LAX1: variants seen among roughly 807,000 people sequenced by gnomAD.
LAX1 encodes lymphocyte transmembrane adapter 1.
A neutral mutation model predicts 20.7 loss-of-function variants in LAX1; 17 were observed. The observed-to-expected ratio is 0.82, with a 90% CI of 0.56 to 1.23. LAX1 has a LOEUF of 1.23. Ranked by LOEUF, LAX1 falls within the 50% of genes most tolerant of loss-of-function variation. LAX1 has a pLI of 0.00. For missense variants in LAX1, 470 were observed against 487.0 expected, an observed-to-expected ratio of 0.97 and a Z score of 0.33; for synonymous variants, 165 against 181.0, an observed-to-expected ratio of 0.91 and a Z score of 0.71.
intron 4 of LAX1, 114 bp downstream of exon 4, chr1:203,772,261 C>T (rs1272726853): frequency 2.5e-6 from 2 of 784,508 alleles, no homozygotes; most frequent in Non-Finnish European, 4.3e-6. Context: ...CCCTTTGGCA[C>T]TCGCCCTGCA....
chr1:203,769,446 A>G (rs1051809111), intron 1 of LAX1, among the ~76,000 whole-genome samples: 14 of 104,000 alleles, frequency 1.3e-4, no homozygotes, highest in African/African-American at 3.0e-4. Context: ...AGAAAGAAGG[A>G]AAGAAAGAAA....
At position 203,774,180 on chromosome 1, in the gene LAX1, T is replaced by C. The variant is rs750718438; in HGVS notation, c.696T>C (p.Asp232=). The C allele has an allele frequency of 1.2e-4, 191 of 1,614,072 alleles. No homozygotes were observed. Among genetic ancestry groups the C allele is most frequent in the Non-Finnish European group, 1.6e-4 (183 of 1,180,050 alleles). Residue 232 remains aspartate, a synonymous_variant, in exon 5 of 5, where the codon GAT becomes GAC. Coordinates refer to ENST00000442561, the MANE Select transcript of LAX1 (RefSeq NM_017773.4). ...AGCTGGAGTTTACTGAGGAAAGAGATGAGGGCTGTGGAGATGCTGGTGACT... is the reference window on the plus strand; with the variant it reads ...AGCTGGAGTTTACTGAGGAAAGAGACGAGGGCTGTGGAGATGCTGGTGACT... ...TQKLEFTEER[D]EGCGDAGDCT... is the part of the protein sequence containing the mutation.
chr1:203,766,640 G>A lies in LAX1; in HGVS notation c.89+986G>A, dbSNP rs147437993. ...CATTTATTTTTATTTATTTCTAATT[G>A]GCAAATCAAAATTATATATATTTAT... On this transcript the variant is annotated intron_variant, in intron 1 of 4. Coordinates refer to ENST00000442561, the MANE Select transcript of LAX1 (RefSeq NM_017773.4). 1.8e-3 allele frequency among the ~76,000 whole-genome samples: 268 copies of A among 152,076 alleles called. 3 individuals carry two copies. The East Asian group carries it at 0.04, about 23-fold the overall frequency.
intron 1 of LAX1, among the ~76,000 whole-genome samples, chr1:203,767,261 T>C (rs1373272521): frequency 6.7e-6 from 1 of 149,576 alleles, no homozygotes; most frequent in Non-Finnish European, 1.5e-5. Context: ...GACCAACATC[T>C]CTGCAACCCC....
Position 203,770,455 on chromosome 1 carries a change from A to AG in LAX1, c.90-373_90-372insG, listed in dbSNP as rs1558070562. 7.0e-5 allele frequency among the ~76,000 whole-genome samples: 3 copies of AG among 42,694 alleles called. 1 individual carries two copies. Among genetic ancestry groups the AG allele is most frequent in the Non-Finnish European group, 9.2e-5 (2 of 21,846 alleles). 28.0% of individuals were successfully genotyped at this position (42,694 alleles called of 152,430 possible). On this transcript the variant is annotated intron_variant, in intron 1 of 4. Coordinates refer to ENST00000442561, the MANE Select transcript of LAX1 (RefSeq NM_017773.4). ...AGAAAGAGAGAGAGAGAGAGAGAGA[A>AG]AGGAAGGAAGGAAGGAAGGAAGGAA...
chr1:203,774,709 C>T lies in LAX1; in HGVS notation c.*28C>T, dbSNP rs754817096. 1.6e-5 allele frequency: 26 copies of T among 1,588,466 alleles called. No individual in the cohort carries two copies. Among genetic ancestry groups the T allele is most frequent in the Admixed American group, 1.7e-5 (1 of 59,112 alleles). On this transcript the variant is annotated 3_prime_UTR_variant, in exon 5 of 5. Coordinates refer to ENST00000442561, the MANE Select transcript of LAX1 (RefSeq NM_017773.4). ...ACCCAGGTACCCAGCCATAAAGCCACATTGAGTAGTCTATCCCATAGGATT... is the reference window on the plus strand; with the variant it reads ...ACCCAGGTACCCAGCCATAAAGCCATATTGAGTAGTCTATCCCATAGGATT...
intron 1 of LAX1, among the ~76,000 whole-genome samples, chr1:203,770,429 A>G (rs867780032): frequency 0.012 from 253 of 20,558 alleles, 6 homozygotes; most frequent in Non-Finnish European, 0.047. Context: ...GAAAGAAAGA[A>G]AGAAAGAGAG....
chr1:203,772,173 T>A, intron 4 of LAX1, 26 bp downstream of exon 4: 1 of 1,554,490 alleles, frequency 6.4e-7, no homozygotes, highest in East Asian at 2.2e-5. Flanking sequence ...CTTGGGAGAA[T>A]GACATGTCTC....
At chr1:203,771,149 G>T (rs1202245028) in intron 2 of LAX1, among the ~76,000 whole-genome samples, 1 of 152,150 alleles carries the variant, frequency 6.6e-6, no homozygotes, top group East Asian at 1.9e-4. Context: ...ACATTGCCCT[G>T]GTGCCCCTGT....
At chr1:203,768,420 T>C (rs1667339701) in intron 1 of LAX1, among the ~76,000 whole-genome samples, 1 of 152,144 alleles carries the variant, frequency 6.6e-6, no homozygotes. Flanking sequence ...TCTGAGGAGA[T>C]GACATTTGAC....
chr1:203,768,802 G>A (rs1667346919), intron 1 of LAX1, among the ~76,000 whole-genome samples: 1 of 152,212 alleles, frequency 6.6e-6, no homozygotes, highest in Non-Finnish European at 1.5e-5. Flanking sequence ...ATCCAGGAAA[G>A]TTATTGCAAA....
rs369192148 is a variant in LAX1 at position 203,765,592 on chromosome 1, G to A, written c.27G>A (p.Ser9=). Reference sequence around the variant, plus strand: ...TGGATGGTGTCACTCCAACCCTTTCGACAATCAGAGGGAGGACCTTGGAGT... The same window carrying A: ...TGGATGGTGTCACTCCAACCCTTTCAACAATCAGAGGGAGGACCTTGGAGT... The part of the protein sequence containing the change: MDGVTPTL[S]TIRGRTLESS... Residue 9 remains serine, a synonymous_variant, in exon 1 of 5, where the codon TCG becomes TCA. Transcript: ENST00000442561. The A allele has an allele frequency of 9.3e-6, 15 of 1,614,022 alleles. No individual in the cohort carries two copies. In the East Asian group the frequency reaches 2.0e-4, roughly 22 times the overall value.
Position 203,772,672 on chromosome 1 carries a change from C to T in LAX1, c.390+525C>T, listed in dbSNP as rs555271346. Among the ~76,000 whole-genome samples, 7 of 151,936 alleles carry T rather than the reference C, an allele frequency of 4.6e-5. No individual in the cohort carries two copies. The South Asian group carries it at 8.3e-4, about 18-fold the overall frequency. On this transcript the variant is annotated intron_variant, in intron 4 of 4. Coordinates refer to ENST00000442561, the MANE Select transcript of LAX1 (RefSeq NM_017773.4). The stretch of plus-strand genomic sequence containing the variant: ...CAATCTCTTGACCTTTTCATCCACC[C>T]GCCTTGGCCTCCCAAAGTGCTGAGA...
At chr1:203,767,731 T>A (rs67381382) in intron 1 of LAX1, among the ~76,000 whole-genome samples, 1 of 151,978 alleles carries the variant, frequency 6.6e-6, no homozygotes, top group Admixed American at 6.6e-5. Context: ...AACAAATATT[T>A]ATCAGGGCCC....
chr1:203,768,027 C>T (rs1396367138), intron 1 of LAX1, among the ~76,000 whole-genome samples: 8 of 151,784 alleles, frequency 5.3e-5, no homozygotes, highest in Admixed American at 3.9e-4. Context: ...ATCAATCAAT[C>T]GGGCTGGGTG....
rs1667471690 is a variant in LAX1 at position 203,774,234 on chromosome 1, G to T, written c.750G>T (p.Glu250Asp). The change falls in exon 5 of 5, where the codon GAG becomes GAT. Residue 250 changes from glutamate (E) to aspartate (D), a missense_variant. Glu to Asp is a conservative substitution (Grantham distance 45, BLOSUM62 2). Coordinates refer to ENST00000442561, the MANE Select transcript of LAX1 (RefSeq NM_017773.4). ...DCTSLYSPGA[E>D]DSDSLSNGEG... ...CCAGTTTGTATTCTCCAGGAGCTGAGGACAGTGATTCACTCAGCAATGGAG... is the reference window on the plus strand; with the variant it reads ...CCAGTTTGTATTCTCCAGGAGCTGATGACAGTGATTCACTCAGCAATGGAG... 3 of 1,614,020 alleles carry T rather than the reference G, an allele frequency of 1.9e-6. No individual in the cohort carries two copies. Among genetic ancestry groups the T allele is most frequent in the Non-Finnish European group, 1.7e-6 (2 of 1,180,046 alleles).
Position 203,772,049 on chromosome 1 carries a change from T to A in LAX1, c.311-19T>A. 1 of 1,600,916 alleles carries A rather than the reference T, an allele frequency of 6.2e-7. No homozygotes were observed. The highest frequency in any genetic ancestry group is 8.6e-7 in the Non-Finnish European group (1 of 1,167,888). Reference sequence around the variant, plus strand: ...TCAGAGGACTGGCTATCTTCAGGATTTGTTCTCTGTCCTTTCAGGGAGACA... The same window carrying A: ...TCAGAGGACTGGCTATCTTCAGGATATGTTCTCTGTCCTTTCAGGGAGACA... On this transcript the variant is annotated intron_variant, in intron 3 of 4. Transcript: ENST00000442561.
chr1:203,774,373 G>T lies in LAX1; in HGVS notation c.889G>T (p.Val297Phe). 1 of 1,614,224 alleles carries T rather than the reference G, an allele frequency of 6.2e-7. No individual in the cohort carries two copies. Among genetic ancestry groups the T allele is most frequent in the Non-Finnish European group, 8.5e-7 (1 of 1,180,038 alleles). ...AFQCCRDYENVPAADPSGSQQ... is the reference protein window; with the variant it reads ...AFQCCRDYENFPAADPSGSQQ... ...TCAGTGCTGCAGAGACTATGAAAAT[G>T]TTCCAGCAGCAGATCCCAGTGGAAG... Residue 297 changes from valine to phenylalanine, a missense_variant, in exon 5 of 5, where the codon GTT becomes TTT. By Grantham distance (50) the Val-to-Phe change is conservative. Coordinates refer to ENST00000442561, the MANE Select transcript of LAX1 (RefSeq NM_017773.4).
Position 203,773,785 on chromosome 1 carries a change from C to A in LAX1, c.391-90C>A, listed in dbSNP as rs1435230827. ...TTTTTTTTTTTTTTTTTTTTTTTTT[C>A]AGAATATGCCAGTGGTATTTTCCAA... On this transcript the variant is annotated intron_variant, in intron 4 of 4. Transcript: ENST00000442561. The A allele has an allele frequency of 4.2e-3, 329 of 78,536 alleles. No individual in the cohort carries two copies. The highest frequency in any genetic ancestry group is 9.6e-3 in the Middle Eastern group (2 of 208). The allele number at this position is 78,536 out of a possible 1,614,324, so 4.9% of individuals were successfully genotyped here.
Sources: allele counts gnomAD v4.1 joint callset (sites outside exome capture counted in the v4.1 genomes callset), GRCh38; gene constraint gnomAD v4.1.1; transcripts MANE v1.5; gene names NCBI Gene and HGNC (gene_info 2026-07-23, HGNC 2026-07-21).